The following ZMAT4 variants were observed in gnomAD, a reference collection of about 807,000 sequenced individuals.
ZMAT4 encodes the protein zinc finger matrin-type protein 4.
In ZMAT4, 17 loss-of-function variants were observed where a neutral mutation model predicts 28.7. That is an observed-to-expected ratio of 0.59 (90% CI 0.41 to 0.89). The LOEUF (loss-of-function observed/expected upper bound fraction) is 0.89, where lower values mean the gene tolerates loss of function less well. Ranked by LOEUF, ZMAT4 falls within the 40% of genes least tolerant of loss-of-function variation. The pLI is 0.00. For missense variants in ZMAT4, 240 were observed against 283.8 expected (o/e 0.85, Z 1.11); for synonymous variants, 117 against 109.2 (o/e 1.07, Z -0.44).
intron 3 of ZMAT4, among the ~76,000 whole-genome samples, chr8:40,711,069 C>T (rs1810595546): frequency 6.6e-6 from 1 of 152,166 alleles, no homozygotes; most frequent in Non-Finnish European, 1.5e-5. Context: ...CAGGCATGAG[C>T]CACCGTGTGC....
intron 5 of ZMAT4, among the ~76,000 whole-genome samples, chr8:40,601,492 AG>A (rs5891105): frequency 3.6e-3 from 299 of 83,158 alleles, no homozygotes; most frequent in Middle Eastern, 0.019. Context: ...AAAGAAAGAA[AG>A]AGAGAAAGAA....
chr8:40,594,500 G>A (rs1221461482), intron 5 of ZMAT4, among the ~76,000 whole-genome samples: 1 of 152,084 alleles, frequency 6.6e-6, no homozygotes, highest in African/African-American at 2.4e-5. Flanking sequence ...TTCTATATGT[G>A]TTTGTAACCC....
intron 5 of ZMAT4, among the ~76,000 whole-genome samples, chr8:40,652,176 C>A (rs1807695946): frequency 8.1e-6 from 1 of 123,134 alleles, no homozygotes. Context: ...TTTTTGCTAC[C>A]TACTCATTTG....
chr8:40,555,417 T>C (rs1225182654), intron 6 of ZMAT4, among the ~76,000 whole-genome samples: 1 of 152,172 alleles, frequency 6.6e-6, no homozygotes, highest in East Asian at 1.9e-4. Context: ...TACTCCACAG[T>C]CTTCAAGATT....
chr8:40,639,093 T>C (rs1172910239), intron 5 of ZMAT4, among the ~76,000 whole-genome samples: 1 of 152,206 alleles, frequency 6.6e-6, no homozygotes, highest in Non-Finnish European at 1.5e-5. Context: ...CTGCTGCTTC[T>C]TGGGCTGACC....
chr8:40,861,246 A>G lies in ZMAT4; in HGVS notation c.-4-35566T>C, dbSNP rs116738675. Among the ~76,000 whole-genome samples the G allele has an allele frequency of 9.2e-3, 1,398 of 152,282 alleles. 19 individuals are homozygous for G. Among genetic ancestry groups the G allele is most frequent in the African/African-American group, 0.032 (1,333 of 41,548 alleles). On this transcript the variant is annotated intron_variant, in intron 1 of 6. Transcript: ENST00000297737. Reference sequence around the variant, plus strand: ...GAATTAGATGAATCATGACTGAGAAAACTCTCCTGAAAGAACAGCCTGTGC... The same window carrying G: ...GAATTAGATGAATCATGACTGAGAAGACTCTCCTGAAAGAACAGCCTGTGC...
intron 1 of ZMAT4, among the ~76,000 whole-genome samples, chr8:40,849,903 C>T (rs893802038): frequency 4.6e-5 from 7 of 152,078 alleles, no homozygotes; most frequent in African/African-American, 1.4e-4. Context: ...TGTGCTGCCC[C>T]GGAGGCTTCC....
chr8:40,579,906 CTT>C, intron 6 of ZMAT4, among the ~76,000 whole-genome samples: 1 of 152,080 alleles, frequency 6.6e-6, no homozygotes. Flanking sequence ...CTCCCCCATG[CTT>C]AAAGCTCCGG....
chr8:40,870,902 G>C (rs1267215312), intron 1 of ZMAT4, among the ~76,000 whole-genome samples: 1 of 152,212 alleles, frequency 6.6e-6, no homozygotes, highest in African/African-American at 2.4e-5. Context: ...GTCAGCAGCT[G>C]TTGTGTCCTG....
At chr8:40,827,366 T>TGATGTTGGCAA (rs1816100277) in intron 1 of ZMAT4, among the ~76,000 whole-genome samples, 2 of 152,246 alleles carry the variant, frequency 1.3e-5, no homozygotes, top group African/African-American at 4.8e-5. Context: ...AATAACATCC[T>TGATGTTGGCAA]GATGTTGGCA....
chr8:40,634,994 A>G (rs1585790890), intron 5 of ZMAT4, among the ~76,000 whole-genome samples: 1 of 152,174 alleles, frequency 6.6e-6, no homozygotes, highest in African/African-American at 2.4e-5. Flanking sequence ...GAATCCAATT[A>G]TATGTCTCCA....
intron 6 of ZMAT4, among the ~76,000 whole-genome samples, chr8:40,560,138 C>T (rs1803686370): frequency 6.6e-6 from 1 of 151,746 alleles, no homozygotes; most frequent in African/African-American, 2.4e-5. Flanking sequence ...CTAGCTCAAG[C>T]TAGTCACACA....
At chr8:40,826,338 T>G (rs1028816733) in intron 1 of ZMAT4, among the ~76,000 whole-genome samples, 1 of 152,164 alleles carries the variant, frequency 6.6e-6, no homozygotes, top group African/African-American at 2.4e-5. Flanking sequence ...TAAGTACATA[T>G]AGCATTATAC....
chr8:40,606,234 C>G (rs1805575099), intron 5 of ZMAT4, among the ~76,000 whole-genome samples: 1 of 152,042 alleles, frequency 6.6e-6, no homozygotes, highest in East Asian at 1.9e-4. Context: ...TTCCTGAATA[C>G]TTTGTTTTTT....
chr8:40,642,892 A>G (rs1807106865), intron 5 of ZMAT4, among the ~76,000 whole-genome samples: 1 of 152,236 alleles, frequency 6.6e-6, no homozygotes, highest in Non-Finnish European at 1.5e-5. Flanking sequence ...TCCCTAGGGA[A>G]GATATTTAAA....
At chr8:40,885,977 G>A (rs75339754) in intron 1 of ZMAT4, among the ~76,000 whole-genome samples, 4,701 of 152,268 alleles carry the variant, frequency 0.031, 214 homozygotes, top group African/African-American at 0.097. Flanking sequence ...TGAGAGGCTG[G>A]GAACTGGGTC....
chr8:40,751,428 C>T (rs1233440144), intron 3 of ZMAT4, among the ~76,000 whole-genome samples: 1 of 151,826 alleles, frequency 6.6e-6, no homozygotes, highest in Non-Finnish European at 1.5e-5. Flanking sequence ...AATCAGATAT[C>T]ATAAGAACTC....
chr8:40,586,539 A>G (rs951335862), intron 5 of ZMAT4, among the ~76,000 whole-genome samples: 1 of 152,274 alleles, frequency 6.6e-6, no homozygotes, highest in Middle Eastern at 3.4e-3. Context: ...ATTGTTTCTA[A>G]CTCAGAGGAT....
At chr8:40,778,858 C>G (rs1294512845) in intron 2 of ZMAT4, among the ~76,000 whole-genome samples, 3 of 152,156 alleles carry the variant, frequency 2.0e-5, no homozygotes, top group African/African-American at 2.4e-5. Context: ...AATACGTAAT[C>G]CATCATCTCT....
Sources: allele counts gnomAD v4.1 joint callset (sites outside exome capture counted in the v4.1 genomes callset), GRCh38; gene constraint gnomAD v4.1.1; transcripts MANE v1.5; gene names NCBI Gene and HGNC (gene_info 2026-07-23, HGNC 2026-07-21).